Variants in FAM161A observed in about 807,000 individuals in gnomAD.
The protein encoded by FAM161A is FAM161 centrosomal protein A.
FAM161A carries 57 observed loss-of-function variants against 70.9 expected under a neutral mutation model. The observed-to-expected ratio is 0.80, with a 90% confidence interval of 0.65 to 1.00. FAM161A has a LOEUF of 1.00. Ranked by LOEUF, FAM161A falls within the 50% of genes least tolerant of loss-of-function variation. The pLI is 0.00. For missense variants in FAM161A, 880 were observed against 836.0 expected (o/e 1.05, Z -0.65); for synonymous variants, 299 against 295.7 (o/e 1.01, Z -0.12).
At chr2:61,813,634 A>G in the FAM161A span, among the ~76,000 whole-genome samples, 3 of 149,688 alleles carry the variant, frequency 2.0e-5, no homozygotes, top group Non-Finnish European at 4.4e-5. Context: ...TGGAAGGATC[A>G]CTTGAGACCA....
At chr2:61,850,752 C>T (rs1167768398) in intron 1 of FAM161A, among the ~76,000 whole-genome samples, 1 of 151,778 alleles carries the variant, frequency 6.6e-6, no homozygotes, top group Non-Finnish European at 1.5e-5. Flanking sequence ...AACTCTGTCT[C>T]AAAAAATAAT....
chr2:61,853,929 G>C lies in FAM161A; in HGVS notation c.113C>G (p.Ala38Gly). Residue 38 changes from alanine to glycine, a missense_variant, in exon 1 of 7, where the codon GCC becomes GGC. By Grantham distance (60) the Ala-to-Gly change is moderately conservative. Transcript: ENST00000404929. ...AQYEREDPLK[A>G]LAAAEAILED... ...CAAGATCGCCTCCGCTGCCGCCAGG[G>C]CCTTTAAGGGGTCTTCGCGTTCGTA... 1 of 1,613,996 alleles carries C rather than the reference G, an allele frequency of 6.2e-7. No individual in the cohort carries two copies. The highest frequency in any genetic ancestry group is 8.5e-7 in the Non-Finnish European group (1 of 1,179,862).
At chr2:61,852,938 CTTTTT>C (rs5831624) in intron 1 of FAM161A, among the ~76,000 whole-genome samples, 1 of 66,444 alleles carries the variant, frequency 1.5e-5, no homozygotes, top group Admixed American at 1.7e-4. Flanking sequence ...AGATTCCCAT[CTTTTT>C]TTTTTTTTTT....
At chr2:61,844,904 G>A (rs1399991419) in intron 1 of FAM161A, among the ~76,000 whole-genome samples, 1 of 152,212 alleles carries the variant, frequency 6.6e-6, no homozygotes, top group East Asian at 1.9e-4. Flanking sequence ...ATTCACAGAG[G>A]TGAGCCAGAC....
intron 1 of FAM161A, among the ~76,000 whole-genome samples, chr2:61,848,568 T>G (rs1673314284): frequency 6.6e-6 from 1 of 151,776 alleles, no homozygotes; most frequent in Non-Finnish European, 1.5e-5. Flanking sequence ...TAGATTGGCT[T>G]GACCCATTTA....
downstream of FAM161A, chr2:61,820,092 T>C: frequency 2.6e-6 from 1 of 378,718 alleles, no homozygotes; most frequent in Non-Finnish European, 4.9e-6. Flanking sequence ...ATGTGTTGGG[T>C]ATACCTCTTA....
chr2:61,826,405 C>A lies in FAM161A; in HGVS notation c.*50G>T, dbSNP rs199668340. ...CTAAACACAAATGCGGCTGCTGACA[C>A]CCTGACGCTGCAAACAACAGCAAGG... On this transcript the variant is annotated 3_prime_UTR_variant, in exon 7 of 7. Transcript: ENST00000404929. 7 of 1,596,892 alleles carry A rather than the reference C, an allele frequency of 4.4e-6. No individual in the cohort carries two copies. The Admixed American group carries it at 5.1e-5, about 12-fold the overall frequency.
intron 2 of FAM161A, among the ~76,000 whole-genome samples, chr2:61,841,534 T>A (rs934657337): frequency 6.6e-6 from 1 of 152,194 alleles, no homozygotes; most frequent in Admixed American, 6.5e-5. Context: ...CTCTGTTACA[T>A]CATGCTGTAA....
chr2:61,836,056 T>A lies in FAM161A; in HGVS notation c.1805A>T (p.Glu602Val), dbSNP rs1672760366. 5 of 1,611,960 alleles carry A rather than the reference T, an allele frequency of 3.1e-6. No homozygotes were observed. The East Asian group carries it at 1.1e-4, about 36-fold the overall frequency. Reference protein sequence around the residue: ...REYQRELEEREEKLKKRPLLF... With the variant: ...REYQRELEERVEKLKKRPLLF... ...CAGTGGCCTCTTTTTTAATTTTTCT[T>A]CTCTTTCTTCTAGTTCTCGTTGGTA... The change falls in exon 5 of 7, where the codon GAA becomes GTA. Residue 602 changes from glutamate to valine, a missense_variant. Physicochemically the swap from Glu to Val is moderately radical, Grantham distance 121 (BLOSUM62 -2). Coordinates refer to ENST00000404929, the MANE Select transcript of FAM161A (RefSeq NM_001201543.2).
At chr2:61,813,090 T>G in the FAM161A span, among the ~76,000 whole-genome samples, 1 of 151,528 alleles carries the variant, frequency 6.6e-6, no homozygotes, top group Non-Finnish European at 1.5e-5. Context: ...AATGCTTAAG[T>G]GTAAATTTGG....
chr2:61,820,482 T>C (rs536907791), downstream of FAM161A: 1 of 755,328 alleles, frequency 1.3e-6, no homozygotes, highest in South Asian at 1.3e-5. Context: ...GAGAAGGTTC[T>C]CAAAGACCAG....
chr2:61,824,212 G>C (rs1232138193), downstream of FAM161A, among the ~76,000 whole-genome samples: 1 of 56,042 alleles, frequency 1.8e-5, no homozygotes, highest in Non-Finnish European at 3.8e-5. Context: ...TTTTTTTTTT[G>C]TATTTTTAGT....
At chr2:61,820,509 GA>G, downstream of FAM161A, 1 of 752,128 alleles carries the variant, frequency 1.3e-6, no homozygotes, top group Non-Finnish European at 2.4e-6. Context: ...ACCTAACTGT[GA>G]AAAAGGTATT....
intron 1 of FAM161A, among the ~76,000 whole-genome samples, chr2:61,849,865 T>TAACACAGG (rs57370576): frequency 0.98 from 147,720 of 150,950 alleles, 72,289 homozygotes; most frequent in East Asian, 1. Context: ...TTAAACAAAT[T>TAACACAGG]AACAGAAAAC....
the FAM161A span, chr2:61,803,500 G>A: frequency 1.5e-5 from 8 of 536,568 alleles, no homozygotes; most frequent in East Asian, 1.3e-4. Context: ...TGTTATCTGC[G>A]GCCATTGAGG....
chr2:61,810,573 C>T, the FAM161A span, among the ~76,000 whole-genome samples: 70 of 150,696 alleles, frequency 4.6e-4, no homozygotes, highest in Non-Finnish European at 7.8e-4. Flanking sequence ...ATTCTCCTGC[C>T]TCAGCCTCCT....
In FAM161A at chr2:61,840,264, C is replaced by T. The variant is rs1263844125; in HGVS notation, c.740G>A (p.Arg247Lys). 6.2e-7 allele frequency: 1 copy of T among 1,613,908 alleles called. No individual in the cohort carries two copies. Among genetic ancestry groups the T allele is most frequent in the African/African-American group, 1.3e-5 (1 of 74,894 alleles). ...GGACTCTTCTTTTTTCTTCTGTTCT[C>T]TTATCATCATTTGAAAAGGCTCCGG... Reference protein sequence around the residue: ...TVPEPFQMMIREQKKKEESMK... With the variant: ...TVPEPFQMMIKEQKKKEESMK... Residue 247 changes from arginine (R) to lysine (K), a missense_variant, in exon 3 of 7, where the codon AGA (arginine) becomes AAA (lysine). Transcript: ENST00000404929.
chr2:61,847,116 C>T (rs1181633670), intron 1 of FAM161A: 5 of 325,452 alleles, frequency 1.5e-5, no homozygotes, highest in Admixed American at 4.1e-5. Context: ...GAACCAAGAT[C>T]GCACCACTGC....
intron 3 of FAM161A, among the ~76,000 whole-genome samples, chr2:61,839,168 C>A (rs1221247660): frequency 2.0e-5 from 3 of 152,042 alleles, no homozygotes; most frequent in Non-Finnish European, 4.4e-5. Context: ...CAGGTGTAAG[C>A]CACTGTGCCC....
Sources: allele counts gnomAD v4.1 joint callset (sites outside exome capture counted in the v4.1 genomes callset), GRCh38; gene constraint gnomAD v4.1.1; transcripts MANE v1.5; gene names NCBI Gene and HGNC (gene_info 2026-07-23, HGNC 2026-07-21).